Variants in GLIS3 observed in about 807,000 individuals in gnomAD.
GLIS3 encodes GLIS family zinc finger 3.
GLIS3 carries 53 observed loss-of-function variants against 78.6 expected under a neutral mutation model. The ratio of observed to expected loss-of-function variants is 0.67; its 90% CI spans 0.54 to 0.85. The LOEUF (loss-of-function observed/expected upper bound fraction) is 0.85, where lower values mean the gene tolerates loss of function less well. Among genes scored for constraint, GLIS3 ranks in the 40% least tolerant of loss-of-function variants. The pLI is 0.00. For synonymous variants in GLIS3, 684 were observed against 509.9 expected, an observed-to-expected ratio of 1.34 and a Z score of -4.60; for missense variants, 1,703 against 1,231.1, an observed-to-expected ratio of 1.38 and a Z score of -5.74.
chr9:4,400,591 C>T, the GLIS3 span, among the ~76,000 whole-genome samples: 18 of 152,328 alleles, frequency 1.2e-4, no homozygotes, highest in East Asian at 1.3e-3. Context: ...CTTTCCTCTT[C>T]GGTCTTGATC....
At chr9:4,037,740 T>C (rs1004332017) in intron 4 of GLIS3, among the ~76,000 whole-genome samples, 3 of 152,202 alleles carry the variant, frequency 2.0e-5, no homozygotes, top group African/African-American at 4.8e-5. Flanking sequence ...AAACCTCAGA[T>C]TGTCATCGTG....
At chr9:4,478,838 G>A in the GLIS3 span, among the ~76,000 whole-genome samples, 2 of 152,174 alleles carry the variant, frequency 1.3e-5, no homozygotes, top group Non-Finnish European at 2.9e-5. Context: ...AACCATATGT[G>A]AAGGGTTGAT....
At chr9:4,215,868 T>C (rs1820779053) in intron 2 of GLIS3, among the ~76,000 whole-genome samples, 1 of 152,214 alleles carries the variant, frequency 6.6e-6, no homozygotes, top group Non-Finnish European at 1.5e-5. Context: ...TCAGTAGTTT[T>C]CAATATCGTT....
intron 2 of GLIS3, among the ~76,000 whole-genome samples, chr9:4,311,306 G>A (rs988933750): frequency 6.6e-6 from 1 of 152,226 alleles, no homozygotes; most frequent in Admixed American, 6.5e-5. Context: ...CAACTTGGGA[G>A]GCTGAGGCAA....
At chr9:4,446,101 G>A in the GLIS3 span, among the ~76,000 whole-genome samples, 2 of 152,160 alleles carry the variant, frequency 1.3e-5, no homozygotes, top group Non-Finnish European at 2.9e-5. Context: ...ACCAGCCCAT[G>A]GTTTACCAGG....
chr9:3,991,536 T>A (rs1415579945), intron 4 of GLIS3, among the ~76,000 whole-genome samples: 1 of 152,120 alleles, frequency 6.6e-6, no homozygotes, highest in Non-Finnish European at 1.5e-5. Flanking sequence ...ACTTCCTATA[T>A]CTTAATTTGC....
At chr9:3,960,406 T>G (rs1162473300) in intron 4 of GLIS3, among the ~76,000 whole-genome samples, 1 of 152,222 alleles carries the variant, frequency 6.6e-6, no homozygotes, top group Admixed American at 6.5e-5. Context: ...CTAATTCATC[T>G]GCCACATTTT....
chr9:4,454,435 T>G, the GLIS3 span, among the ~76,000 whole-genome samples: 1 of 152,088 alleles, frequency 6.6e-6, no homozygotes, highest in African/African-American at 2.4e-5. Context: ...ATGAGAAAAA[T>G]AAAGCCTATA....
At chr9:4,207,850 T>C (rs1820019342) in intron 2 of GLIS3, among the ~76,000 whole-genome samples, 1 of 152,234 alleles carries the variant, frequency 6.6e-6, no homozygotes, top group African/African-American at 2.4e-5. Flanking sequence ...GGGAATGATC[T>C]TTTTAAGATC....
intron 2 of GLIS3, among the ~76,000 whole-genome samples, chr9:4,248,197 T>C (rs964665261): frequency 5.3e-5 from 8 of 152,044 alleles, no homozygotes; most frequent in Non-Finnish European, 1.0e-4. Context: ...CGTCAACCTG[T>C]CATCTACATT....
At chr9:3,976,902 G>A (rs1396200883) in intron 4 of GLIS3, among the ~76,000 whole-genome samples, 1 of 139,882 alleles carries the variant, frequency 7.1e-6, no homozygotes, top group Non-Finnish European at 1.5e-5. Flanking sequence ...AAGACAGAAA[G>A]GTATGAAAAT....
At chr9:4,217,970 C>T (rs1336793437) in intron 2 of GLIS3, among the ~76,000 whole-genome samples, 1 of 152,320 alleles carries the variant, frequency 6.6e-6, no homozygotes, top group South Asian at 2.1e-4. Context: ...TTGAAAAGCT[C>T]ATCAAAATGG....
At chr9:3,901,440 T>G (rs985086872) in intron 6 of GLIS3, among the ~76,000 whole-genome samples, 2 of 152,208 alleles carry the variant, frequency 1.3e-5, no homozygotes, top group African/African-American at 2.4e-5. Flanking sequence ...ATTTACACCA[T>G]GGAAATTGGC....
intron 3 of GLIS3, among the ~76,000 whole-genome samples, chr9:4,123,492 T>A (rs1832340731): frequency 6.6e-6 from 1 of 152,140 alleles, no homozygotes; most frequent in African/African-American, 2.4e-5. Flanking sequence ...TTATAATTTT[T>A]AAAGAATGGG....
chr9:3,961,647 T>C (rs1243768785), intron 4 of GLIS3, among the ~76,000 whole-genome samples: 1 of 152,224 alleles, frequency 6.6e-6, no homozygotes, highest in Non-Finnish European at 1.5e-5. Flanking sequence ...CTCTCCCATA[T>C]TGAGAATAGT....
At chr9:4,479,025 T>C in the GLIS3 span, among the ~76,000 whole-genome samples, 1 of 152,230 alleles carries the variant, frequency 6.6e-6, no homozygotes, top group Non-Finnish European at 1.5e-5. Flanking sequence ...TGGGGAATTT[T>C]GTAAGACAAA....
At position 3,921,923 on chromosome 9, in the gene GLIS3, T is replaced by TACACACACACACACAC. The variant is rs6150898; in HGVS notation, c.1983+10421_1983+10436dup. ...TCTATTATTCATCCATCATACTGTG[T>TACACACACACACACAC]ACACACACACACACACACACACACT... On this transcript the variant is annotated intron_variant, in intron 6 of 10. Transcript: ENST00000381971. 5.1e-3 allele frequency among the ~76,000 whole-genome samples: 765 copies of TACACACACACACACAC among 149,860 alleles called. 2 individuals carry two copies. Among genetic ancestry groups the TACACACACACACACAC allele is most frequent in the African/African-American group, 0.015 (594 of 40,782 alleles).
At chr9:4,113,952 T>C (rs1462663862) in intron 4 of GLIS3, among the ~76,000 whole-genome samples, 1 of 152,158 alleles carries the variant, frequency 6.6e-6, no homozygotes, top group East Asian at 1.9e-4. Context: ...GGTAAAAGTT[T>C]TGAACAATTC....
chr9:4,237,223 A>G (rs1415865835), intron 2 of GLIS3, among the ~76,000 whole-genome samples: 1 of 152,128 alleles, frequency 6.6e-6, no homozygotes, highest in Non-Finnish European at 1.5e-5. Context: ...CCTTCAAAAT[A>G]ACCTAAAACG....
Sources: allele counts gnomAD v4.1 joint callset (sites outside exome capture counted in the v4.1 genomes callset), GRCh38; gene constraint gnomAD v4.1.1; transcripts MANE v1.5; gene names NCBI Gene and HGNC (gene_info 2026-07-23, HGNC 2026-07-21).